Variants in SDK1 observed in about 807,000 individuals in gnomAD.
SDK1 encodes the protein protein sidekick-1.
SDK1 carries 157 observed loss-of-function variants against 245.5 expected under a neutral mutation model. The ratio of observed to expected loss-of-function variants is 0.64; its 90% confidence interval spans 0.56 to 0.73. The LOEUF is 0.73. SDK1 is among the 30% of genes least tolerant of loss of function. The probability of loss-of-function intolerance (pLI) is 0.00; values close to 1 mark genes in which losing one functional copy is unlikely to be tolerated. For synonymous variants in SDK1, 1,647 were observed against 1,278.5 expected, an observed-to-expected ratio of 1.29 and a Z score of -6.15; for missense variants, 3,583 against 3,002.3, an observed-to-expected ratio of 1.19 and a Z score of -4.52.
At chr7:3,308,933 G>A (rs1412957277) in intron 1 of SDK1, among the ~76,000 whole-genome samples, 1 of 152,122 alleles carries the variant, frequency 6.6e-6, no homozygotes, top group East Asian at 1.9e-4. Context: ...GATTTGGGGA[G>A]GAATATGGAA....
intron 4 of SDK1, among the ~76,000 whole-genome samples, chr7:3,778,666 C>A (rs769174144): frequency 6.6e-6 from 1 of 152,192 alleles, no homozygotes; most frequent in South Asian, 2.1e-4. Context: ...AAACGTGAAT[C>A]CACCATGTTC....
chr7:3,375,436 C>T (rs1025476531), intron 1 of SDK1, among the ~76,000 whole-genome samples: 1 of 152,110 alleles, frequency 6.6e-6, no homozygotes, highest in Admixed American at 6.6e-5. Context: ...CAAGTTGGCT[C>T]CCAGTGATCA....
At chr7:3,463,382 A>G (rs1780893040) in intron 1 of SDK1, among the ~76,000 whole-genome samples, 1 of 152,142 alleles carries the variant, frequency 6.6e-6, no homozygotes, top group Non-Finnish European at 1.5e-5. Context: ...GAATGAATGA[A>G]CATAGATTGA....
At chr7:4,046,180 G>A (rs961841878) in intron 17 of SDK1, among the ~76,000 whole-genome samples, 4 of 151,800 alleles carry the variant, frequency 2.6e-5, no homozygotes, top group African/African-American at 7.3e-5. Flanking sequence ...GGCCTCAAGC[G>A]ATCCTCCTAC....
chr7:3,510,366 G>C (rs1257391906), intron 1 of SDK1, among the ~76,000 whole-genome samples: 2 of 152,120 alleles, frequency 1.3e-5, no homozygotes, highest in Non-Finnish European at 2.9e-5. Context: ...GAATAATGTG[G>C]CTGCTCCAAG....
chr7:3,749,774 G>T (rs1436362671), intron 4 of SDK1, among the ~76,000 whole-genome samples: 1 of 152,168 alleles, frequency 6.6e-6, no homozygotes, highest in African/African-American at 2.4e-5. Context: ...CTGGTCTCCT[G>T]TATTCTAATG....
At chr7:3,355,792 C>T (rs1316745343) in intron 1 of SDK1, among the ~76,000 whole-genome samples, 1 of 152,212 alleles carries the variant, frequency 6.6e-6, no homozygotes, top group African/African-American at 2.4e-5. Context: ...ATTTAATCTG[C>T]TATTTTATGC....
Position 4,178,515 on chromosome 7 carries a change from T to A in SDK1, c.5027T>A (p.Ile1676Lys), listed in dbSNP as rs937968173. 11 of 1,613,972 alleles carry A rather than the reference T, an allele frequency of 6.8e-6. No homozygotes were observed. Among genetic ancestry groups the A allele is most frequent in the Non-Finnish European group, 9.3e-6 (11 of 1,179,946 alleles). Residue 1676 changes from isoleucine to lysine, a missense_variant, in exon 35 of 45, where the codon ATA (isoleucine) becomes AAA (lysine). Physicochemically the swap from Ile to Lys is moderately radical, Grantham distance 102. Coordinates refer to ENST00000404826, the MANE Select transcript of SDK1 (RefSeq NM_152744.4). Reference sequence around the variant, plus strand: ...AAGAAGTACCGGCGCTATGAAGTAATAATGACCGCCTATAACATCATCGGC... The same window carrying A: ...AAGAAGTACCGGCGCTATGAAGTAAAAATGACCGCCTATAACATCATCGGC... Reference protein sequence around the residue: ...HLKKYRRYEVIMTAYNIIGES... With the variant: ...HLKKYRRYEVKMTAYNIIGES...
At chr7:4,097,225 G>C (rs1782209302) in intron 22 of SDK1, among the ~76,000 whole-genome samples, 1 of 152,260 alleles carries the variant, frequency 6.6e-6, no homozygotes, top group Non-Finnish European at 1.5e-5. Context: ...GGCCGACTCT[G>C]GGTGAGGGGC....
intron 4 of SDK1, among the ~76,000 whole-genome samples, chr7:3,646,016 GC>G (rs1206285182): frequency 6.6e-6 from 1 of 152,004 alleles, no homozygotes; most frequent in Non-Finnish European, 1.5e-5. Flanking sequence ...ACCCCACTAT[GC>G]CCAGCTGATT....
chr7:3,485,981 A>AGGACAGTTTATATAATATT (rs1466083705), intron 1 of SDK1, among the ~76,000 whole-genome samples: 1 of 151,860 alleles, frequency 6.6e-6, no homozygotes, highest in African/African-American at 2.4e-5. Context: ...GGACACTATT[A>AGGACAGTTTATATAATATT]GGACAGTTTA....
At chr7:3,858,814 A>G (rs1214517918) in intron 5 of SDK1, among the ~76,000 whole-genome samples, 2 of 150,870 alleles carry the variant, frequency 1.3e-5, no homozygotes, top group East Asian at 1.9e-4. Flanking sequence ...GTTATCTAGT[A>G]TAACAGTTGT....
At chr7:4,083,688 T>C in intron 22 of SDK1, among the ~76,000 whole-genome samples, 1 of 145,068 alleles carries the variant, frequency 6.9e-6, no homozygotes, top group Non-Finnish European at 1.5e-5. Context: ...TCCCTTCACT[T>C]CTTCCCTCCC....
chr7:3,642,030 T>G lies in SDK1; in HGVS notation c.638T>G (p.Leu213Arg). ...SQGRAAILNL[L>R]PITSYPRPQV... ...GGACGTGCAGCGATTCTAAACCTGC[T>G]GCCCATCACCAGCTACCCCAGACCT... Residue 213 changes from leucine to arginine, a missense_variant, in exon 4 of 45, where the codon CTG (leucine) becomes CGG (arginine). Leu to Arg is a moderately radical substitution (Grantham distance 102). Coordinates refer to ENST00000404826, the MANE Select transcript of SDK1 (RefSeq NM_152744.4). 3 of 1,614,022 alleles carry G rather than the reference T, an allele frequency of 1.9e-6. No individual in the cohort carries two copies. In the South Asian group the frequency reaches 3.3e-5, roughly 18 times the overall value.
chr7:3,977,460 C>A (rs1783040053), intron 13 of SDK1, among the ~76,000 whole-genome samples: 1 of 152,214 alleles, frequency 6.6e-6, no homozygotes, highest in Non-Finnish European at 1.5e-5. Context: ...ACGCATGGGG[C>A]AGCCAGGTTT....
intron 1 of SDK1, among the ~76,000 whole-genome samples, chr7:3,433,343 C>T (rs1225556745): frequency 1.3e-5 from 2 of 152,168 alleles, no homozygotes; most frequent in Non-Finnish European, 1.5e-5. Flanking sequence ...TTAGTCATTT[C>T]GTCTCTTGAG....
chr7:3,715,165 A>T (rs990266323), intron 4 of SDK1, among the ~76,000 whole-genome samples: 2 of 152,142 alleles, frequency 1.3e-5, no homozygotes, highest in African/African-American at 4.8e-5. Context: ...TTAGTGAGAG[A>T]TACTAAATCA....
intron 1 of SDK1, among the ~76,000 whole-genome samples, chr7:3,478,680 A>T (rs1210217270): frequency 6.6e-6 from 1 of 151,910 alleles, no homozygotes; most frequent in Non-Finnish European, 1.5e-5. Flanking sequence ...TGAATTATTG[A>T]ATCTTTATTT....
Position 3,916,559 on chromosome 7 carries a change from T to G in SDK1, c.848-34364T>G, listed in dbSNP as rs1189170425. 2.0e-5 allele frequency among the ~76,000 whole-genome samples: 3 copies of G among 152,338 alleles called. No individual in the cohort carries two copies. The East Asian group carries it at 5.8e-4, about 29-fold the overall frequency. On this transcript the variant is annotated intron_variant, in intron 5 of 44. Coordinates refer to ENST00000404826, the MANE Select transcript of SDK1 (RefSeq NM_152744.4). ...GATGTGATAGGCAAATCAGTTGTTTTAAGCAATTCTTAGGTAAGATTTAAC... is the reference window on the plus strand; with the variant it reads ...GATGTGATAGGCAAATCAGTTGTTTGAAGCAATTCTTAGGTAAGATTTAAC...
Sources: allele counts gnomAD v4.1 joint callset (sites outside exome capture counted in the v4.1 genomes callset), GRCh38; gene constraint gnomAD v4.1.1; transcripts MANE v1.5; gene names NCBI Gene and HGNC (gene_info 2026-07-23, HGNC 2026-07-21).